Variants in ARHGAP10 observed in about 807,000 individuals in gnomAD.
The protein encoded by ARHGAP10 is Rho GTPase activating protein 10, also known as rho GTPase-activating protein 10.
A neutral mutation model predicts 108.6 loss-of-function variants in ARHGAP10; 87 were observed. The ratio of observed to expected loss-of-function variants is 0.80; its 90% CI spans 0.67 to 0.96. The LOEUF (loss-of-function observed/expected upper bound fraction) is 0.96. Ranked by LOEUF, ARHGAP10 falls within the 40% of genes least tolerant of loss-of-function variation. The pLI, the probability that ARHGAP10 is intolerant of heterozygous loss-of-function variation, is 0.00. For synonymous variants in ARHGAP10, 347 were observed against 341.1 expected (o/e 1.02, Z -0.19); for missense variants, 939 against 954.5 (o/e 0.98, Z 0.21).
chr4:147,827,929 C>A (rs1732786649), intron 3 of ARHGAP10, among the ~76,000 whole-genome samples: 1 of 152,136 alleles, frequency 6.6e-6, no homozygotes, highest in South Asian at 2.1e-4. Flanking sequence ...CCTCAGCCTC[C>A]TGAGTAGCGG....
chr4:147,848,091 GT>G (rs59590301), intron 4 of ARHGAP10, among the ~76,000 whole-genome samples: 32 of 145,948 alleles, frequency 2.2e-4, no homozygotes, highest in African/African-American at 7.5e-4. Context: ...GGGGATGTGA[GT>G]TTTTTTTTTT....
chr4:147,952,741 G>T (rs1738652603), intron 15 of ARHGAP10, among the ~76,000 whole-genome samples: 1 of 152,068 alleles, frequency 6.6e-6, no homozygotes, highest in Non-Finnish European at 1.5e-5. Flanking sequence ...CTTTCAAAGA[G>T]AAGTTTTAAT....
chr4:147,964,109 A>G (rs1049540444), intron 16 of ARHGAP10, among the ~76,000 whole-genome samples: 1 of 152,124 alleles, frequency 6.6e-6, no homozygotes. Flanking sequence ...TCCTGGAGAT[A>G]TTAAACTTCT....
At chr4:147,738,019 G>GTT (rs1194373271) in intron 1 of ARHGAP10, among the ~76,000 whole-genome samples, 96 of 135,818 alleles carry the variant, frequency 7.1e-4, no homozygotes, top group African/African-American at 2.4e-3. Context: ...TGTTGTTGTT[G>GTT]TTTTTTTTTT....
chr4:147,955,143 A>G (rs965132956), intron 15 of ARHGAP10, among the ~76,000 whole-genome samples, 173 bp from the exon 16 acceptor site: 4 of 152,136 alleles, frequency 2.6e-5, no homozygotes, highest in Non-Finnish European at 5.9e-5. Flanking sequence ...TGCCAACAGC[A>G]GTTAATAAAG....
rs114071089 is a variant in ARHGAP10, at chr4:147,890,357, T to G, written c.1034+8425T>G. 4.6e-3 allele frequency among the ~76,000 whole-genome samples: 708 copies of G among 152,312 alleles called. 2 individuals carry two copies. Among genetic ancestry groups the G allele is most frequent in the Non-Finnish European group, 7.1e-3 (485 of 68,022 alleles). On this transcript the variant is annotated intron_variant, in intron 10 of 22. Coordinates refer to ENST00000336498, the MANE Select transcript of ARHGAP10 (RefSeq NM_024605.4). ...TTTCTCCCTCAATTTACCAAAGGGTTACTTTGAATTTTTCTTAGCTAAGAG... is the reference window on the plus strand; with the variant it reads ...TTTCTCCCTCAATTTACCAAAGGGTGACTTTGAATTTTTCTTAGCTAAGAG...
intron 10 of ARHGAP10, among the ~76,000 whole-genome samples, chr4:147,900,268 C>T (rs1736186360): frequency 6.6e-6 from 1 of 151,900 alleles, no homozygotes; most frequent in African/African-American, 2.4e-5. Flanking sequence ...TATTTTTTTT[C>T]TGAATGAATG....
At chr4:147,762,540 A>AT (rs940222267) in intron 1 of ARHGAP10, among the ~76,000 whole-genome samples, 46 of 150,016 alleles carry the variant, frequency 3.1e-4, no homozygotes, top group East Asian at 3.0e-3. Flanking sequence ...TTATTTATTT[A>AT]TTTTTTTTGA....
At chr4:147,874,550 G>A (rs950636423) in intron 7 of ARHGAP10, among the ~76,000 whole-genome samples, 7 of 152,134 alleles carry the variant, frequency 4.6e-5, no homozygotes, top group Non-Finnish European at 1.0e-4. Context: ...TTATTAGTTT[G>A]CAAAGAAGAA....
At chr4:147,750,600 T>TC (rs1426851698) in intron 1 of ARHGAP10, among the ~76,000 whole-genome samples, 41 of 151,172 alleles carry the variant, frequency 2.7e-4, no homozygotes, top group African/African-American at 9.8e-4. Flanking sequence ...ATATAAAATA[T>TC]CTTTTTTTTT....
intron 5 of ARHGAP10, among the ~76,000 whole-genome samples, chr4:147,860,054 G>T (rs916858100): frequency 5.3e-5 from 8 of 152,190 alleles, no homozygotes; most frequent in Non-Finnish European, 1.0e-4. Context: ...AGTGAATTGA[G>T]ATGCTCAAGA....
intron 12 of ARHGAP10, among the ~76,000 whole-genome samples, chr4:147,911,064 C>G (rs989934906): frequency 6.6e-6 from 1 of 151,966 alleles, no homozygotes; most frequent in Admixed American, 6.6e-5. Flanking sequence ...CTTTCTCTTT[C>G]CTTCTTTTCT....
chr4:147,906,719 T>C lies in ARHGAP10; in HGVS notation c.1116T>C (p.Ala372=). 6.2e-7 allele frequency: 1 copy of C among 1,614,120 alleles called. No individual in the cohort carries two copies. The highest frequency in any genetic ancestry group is 8.5e-7 in the Non-Finnish European group (1 of 1,179,952). The part of the protein sequence containing the change: ...QWLEALGGKE[A]LSHSFNTAII... The stretch of plus-strand genomic sequence containing the variant: ...TGGAAGCTCTGGGTGGAAAGGAAGC[T>C]GTAAGAATAATCAATGGTTGAGTTT... Residue 372 remains alanine, a splice_region_variant and synonymous_variant, in exon 11 of 23, where the codon GCT becomes GCC. Coordinates refer to ENST00000336498, the MANE Select transcript of ARHGAP10 (RefSeq NM_024605.4).
intron 1 of ARHGAP10, among the ~76,000 whole-genome samples, chr4:147,785,098 A>AAAC (rs1178408273): frequency 6.8e-6 from 1 of 146,312 alleles, no homozygotes; most frequent in Non-Finnish European, 1.5e-5. Context: ...AAAAAAAAAA[A>AAAC]AAGAATAACA....
Position 147,931,328 on chromosome 4 carries a change from C to T in ARHGAP10, c.1229-8497C>T, listed in dbSNP as rs200128716. Reference sequence around the variant, plus strand: ...TATTAAGAGAGAAAAAAAAAAAAAACTTGGGGCCTGTAAACACATTGACCA... The same window carrying T: ...TATTAAGAGAGAAAAAAAAAAAAAATTTGGGGCCTGTAAACACATTGACCA... On this transcript the variant is annotated intron_variant, in intron 13 of 22. Transcript: ENST00000336498. Among the ~76,000 whole-genome samples, 3 of 144,374 alleles carry T rather than the reference C, an allele frequency of 2.1e-5. No individual in the cohort carries two copies. The East Asian group carries it at 6.1e-4, about 29-fold the overall frequency. 94.7% of individuals were successfully genotyped at this position (144,374 alleles called of 152,430 possible).
At chr4:147,959,440 C>T (rs1028340699) in intron 16 of ARHGAP10, among the ~76,000 whole-genome samples, 1 of 151,996 alleles carries the variant, frequency 6.6e-6, no homozygotes, top group Non-Finnish European at 1.5e-5. Context: ...CGTATGTATA[C>T]ATGTGCCATG....
At chr4:148,035,320 C>T (rs905502538) in intron 19 of ARHGAP10, among the ~76,000 whole-genome samples, 1 of 152,108 alleles carries the variant, frequency 6.6e-6, no homozygotes, top group Admixed American at 6.5e-5. Context: ...CTTTTCATGC[C>T]TTAATGTGAC....
intron 1 of ARHGAP10, among the ~76,000 whole-genome samples, chr4:147,797,412 CTTTGT>C (rs527687437): frequency 4.6e-5 from 7 of 151,878 alleles, no homozygotes; most frequent in Admixed American, 3.3e-4. Context: ...ACCCTCCCCA[CTTTGT>C]TTTGTTTTGT....
At chr4:147,883,633 G>A (rs1474903398) in intron 10 of ARHGAP10, among the ~76,000 whole-genome samples, 1 of 152,148 alleles carries the variant, frequency 6.6e-6, no homozygotes, top group Non-Finnish European at 1.5e-5. Context: ...GTGGGTAGTT[G>A]AAGAGCTGAG....
Sources: allele counts gnomAD v4.1 joint callset (sites outside exome capture counted in the v4.1 genomes callset), GRCh38; gene constraint gnomAD v4.1.1; transcripts MANE v1.5; gene names NCBI Gene and HGNC (gene_info 2026-07-23, HGNC 2026-07-21).